Variants in KCTD9 observed in about 807,000 individuals in gnomAD.
The protein encoded by KCTD9 is potassium channel tetramerization domain containing 9.
In KCTD9, 17 loss-of-function variants were observed where a neutral mutation model predicts 53.3. That is an observed-to-expected ratio of 0.32 (90% confidence interval 0.22 to 0.48). KCTD9 has a LOEUF of 0.48. Ranked by LOEUF, KCTD9 falls within the 20% of genes least tolerant of loss-of-function variation. The pLI, the probability that KCTD9 is intolerant of heterozygous loss-of-function variation, is 0.99. For missense variants in KCTD9, 179 were observed against 465.5 expected, an observed-to-expected ratio of 0.38 and a Z score of 5.66; for synonymous variants, 128 against 162.7, an observed-to-expected ratio of 0.79 and a Z score of 1.62.
intron 11 of KCTD9, among the ~76,000 whole-genome samples, chr8:25,430,454 T>C (rs1213167587): frequency 6.6e-6 from 1 of 152,088 alleles, no homozygotes; most frequent in Non-Finnish European, 1.5e-5. Flanking sequence ...GTGAACCCTA[T>C]TGTGAACTGC....
At chr8:25,450,423 G>A (rs1348334431) in intron 1 of KCTD9, 1 of 983,988 alleles carries the variant, frequency 1.0e-6, no homozygotes, top group Non-Finnish European at 1.2e-6. Flanking sequence ...TGAATGTTGA[G>A]TGTTGAAGTA....
chr8:25,440,875 G>C (rs958096456), intron 3 of KCTD9, among the ~76,000 whole-genome samples: 1 of 152,184 alleles, frequency 6.6e-6, no homozygotes, highest in Non-Finnish European at 1.5e-5. Context: ...AGCTATAAGA[G>C]CAGCATGCTT....
chr8:25,448,953 T>A (rs1367508821), intron 1 of KCTD9, among the ~76,000 whole-genome samples: 2 of 151,812 alleles, frequency 1.3e-5, no homozygotes, highest in African/African-American at 2.4e-5. Flanking sequence ...GACTAAAACA[T>A]GTCCCCCATA....
In KCTD9 at chr8:25,444,290, A is replaced by C; in HGVS notation, c.214+2T>G. 1 of 1,581,564 alleles carries C rather than the reference A, an allele frequency of 6.3e-7. No homozygotes were observed. The highest frequency in any genetic ancestry group is 8.6e-7 in the Non-Finnish European group (1 of 1,167,764). On this transcript the variant is annotated splice_donor_variant, in intron 3 of 11. Coordinates refer to ENST00000221200, the MANE Select transcript of KCTD9 (RefSeq NM_017634.4). LOFTEE classifies it high-confidence loss of function. ...ATAAAATTGGCTTTTAAAGTCACTT[A>C]CCAATAAATGGCTCTCCTTCACAAA...
intron 1 of KCTD9, among the ~76,000 whole-genome samples, chr8:25,454,448 C>T (rs564180444): frequency 6.6e-6 from 1 of 152,250 alleles, no homozygotes; most frequent in South Asian, 2.1e-4. Flanking sequence ...GTGTTCAAGA[C>T]GTATAGAAAC....
chr8:25,432,424 GT>G (rs1426995544), intron 11 of KCTD9, 79 bp downstream of exon 11: 1 of 1,300,312 alleles, frequency 7.7e-7, no homozygotes, highest in Non-Finnish European at 1.1e-6. Context: ...CAACTACTTT[GT>G]TTTGATTTCA....
intron 1 of KCTD9, among the ~76,000 whole-genome samples, chr8:25,449,252 T>C (rs567342779): frequency 6.6e-6 from 1 of 152,366 alleles, no homozygotes; most frequent in East Asian, 1.9e-4. Context: ...TTCAATGTTC[T>C]TGGCATAGTT....
intron 3 of KCTD9, among the ~76,000 whole-genome samples, chr8:25,442,321 A>G (rs1802138094): frequency 1.3e-5 from 2 of 152,214 alleles, no homozygotes; most frequent in Non-Finnish European, 2.9e-5. Context: ...AAATAATCAC[A>G]TAAGAAAGAT....
chr8:25,458,082 C>G, intron 1 of KCTD9, 117 bp downstream of exon 1: 1 of 1,044,162 alleles, frequency 9.6e-7, no homozygotes, highest in Non-Finnish European at 1.4e-6. Flanking sequence ...CCCCAGCCCG[C>G]GCACGCCCAC....
intron 6 of KCTD9, among the ~76,000 whole-genome samples, chr8:25,437,406 G>C (rs559774405): frequency 3.9e-5 from 6 of 152,192 alleles, no homozygotes; most frequent in Admixed American, 1.3e-4. Context: ...AGACAGGCCG[G>C]GCTCACACCT....
In KCTD9 at chr8:25,435,311, G is replaced by C; in HGVS notation, c.813+52C>G. The C allele has an allele frequency of 2.9e-6, 4 of 1,370,770 alleles. No individual in the cohort carries two copies. In the South Asian group the frequency reaches 6.3e-5, roughly 21 times the overall value. 84.9% of individuals were successfully genotyped at this position (1,370,770 alleles called of 1,614,324 possible). A position where few individuals can be genotyped will look rare whatever the true frequency, so the allele number is the denominator to read the frequency against. On this transcript the variant is annotated intron_variant, in intron 9 of 11. Coordinates refer to ENST00000221200, the MANE Select transcript of KCTD9 (RefSeq NM_017634.4). ...CCTGTCTCAAAGGCTCTTTGAGACT[G>C]TTCAATAGACTAAACATTTAATTTT...
intron 3 of KCTD9, among the ~76,000 whole-genome samples, chr8:25,440,970 C>A (rs1802110389): frequency 6.6e-6 from 1 of 152,194 alleles, no homozygotes; most frequent in Non-Finnish European, 1.5e-5. Context: ...TAGATACTGA[C>A]TTCATTGCTT....
chr8:25,437,881 A>AAAAC (rs1802049071), intron 6 of KCTD9, among the ~76,000 whole-genome samples: 1 of 142,068 alleles, frequency 7.0e-6, no homozygotes, highest in African/African-American at 2.6e-5. Context: ...AAAAAAAAAA[A>AAAAC]TCTGGATTTG....
chr8:25,455,388 T>C (rs1229022039), intron 1 of KCTD9, among the ~76,000 whole-genome samples: 1 of 152,174 alleles, frequency 6.6e-6, no homozygotes, highest in African/African-American at 2.4e-5. Flanking sequence ...CAATGGCTAA[T>C]ATTTCAAAGA....
chr8:25,440,144 C>T (rs1461969531), intron 4 of KCTD9, among the ~76,000 whole-genome samples: 2 of 150,462 alleles, frequency 1.3e-5, no homozygotes, highest in African/African-American at 2.4e-5. Flanking sequence ...CTGCAAGCTC[C>T]GCCTCCCGGG....
intron 6 of KCTD9, among the ~76,000 whole-genome samples, chr8:25,438,305 T>C (rs950657216): frequency 1.4e-4 from 8 of 56,688 alleles, no homozygotes; most frequent in African/African-American, 4.7e-4. Context: ...AAATAATATC[T>C]TTTTTTTTTT....
intron 1 of KCTD9, 66 bp downstream of exon 1, chr8:25,458,133 C>G (rs1802509382): frequency 1.4e-6 from 2 of 1,455,098 alleles, no homozygotes; most frequent in East Asian, 4.8e-5. Context: ...GCCCCGCCAG[C>G]CGGTTCCGCA....
intron 3 of KCTD9, among the ~76,000 whole-genome samples, chr8:25,441,859 G>A (rs1210067868): frequency 1.3e-5 from 2 of 151,830 alleles, no homozygotes; most frequent in Admixed American, 6.6e-5. Flanking sequence ...AAAATTATCC[G>A]GGCATGGTAG....
chr8:25,440,639 C>A lies in KCTD9; in HGVS notation c.249G>T (p.Leu83Phe). 6.2e-7 allele frequency: 1 copy of A among 1,612,264 alleles called. No homozygotes were observed. The highest frequency in any genetic ancestry group is 1.1e-5 in the South Asian group (1 of 91,042). The change falls in exon 4 of 12, where the codon TTG becomes TTT. Residue 83 changes from leucine to phenylalanine, a missense_variant. Physicochemically the swap from Leu to Phe is conservative, Grantham distance 22. Coordinates refer to ENST00000221200, the MANE Select transcript of KCTD9 (RefSeq NM_017634.4). The part of the protein sequence containing the change: ...PQTDSKPPEG[L>F]LGFHTDWLTL... The stretch of plus-strand genomic sequence containing the variant: ...TCAGCCAGTCTGTGTGGAATCCTAA[C>A]AATCCCTCAGGAGGCTTAGAATCTG...
Sources: gnomAD v4.1 joint callset for allele counts (sites outside exome capture counted in the v4.1 genomes callset) on GRCh38, gnomAD v4.1.1 for gene constraint, MANE v1.5 for transcripts, NCBI Gene and HGNC (gene_info 2026-07-23, HGNC 2026-07-21) for gene names.